SPATA17: variants seen among roughly 807,000 people sequenced by gnomAD.
SPATA17 encodes spermatogenesis associated 17.
A neutral mutation model predicts 62.2 loss-of-function variants in SPATA17; 53 were observed. That is an observed-to-expected ratio of 0.85 (90% CI 0.68 to 1.07). SPATA17 has a LOEUF of 1.07. Ranked by LOEUF, SPATA17 falls within the 50% of genes least tolerant of loss-of-function variation. The probability of loss-of-function intolerance (pLI) is 0.00; values close to 1 mark genes in which losing one functional copy is unlikely to be tolerated. For missense variants in SPATA17, 466 were observed against 425.5 expected (o/e 1.10, Z -0.84); for synonymous variants, 146 against 146.8 (o/e 0.99, Z 0.04).
chr1:217,868,427 TACAGCTAACTTACCAG>T lies in SPATA17; in HGVS notation c.*1415_*1430del, dbSNP rs1383664601. The T allele has an allele frequency of 6.6e-6, 1 of 152,166 alleles. No individual in the cohort carries two copies. Among genetic ancestry groups the T allele is most frequent in the East Asian group, 1.9e-4 (1 of 5,186 alleles). 9.4% of individuals were successfully genotyped at this position (152,166 alleles called of 1,614,324 possible). ...TATTGTAAGTTAAAAATGCATTTAA[TACAGCTAACTTACCAG>T]ACAGCTTAGCTTAGCCTCACCTACC... On this transcript the variant is annotated 3_prime_UTR_variant, in exon 11 of 11. Transcript: ENST00000366933.
intron 7 of SPATA17, among the ~76,000 whole-genome samples, chr1:217,780,607 C>T (rs1454077074): frequency 6.6e-6 from 1 of 152,140 alleles, no homozygotes; most frequent in African/African-American, 2.4e-5. Context: ...AAGACCATTG[C>T]TCCATGTGAA....
At chr1:217,778,327 A>G (rs61825812) in intron 7 of SPATA17, among the ~76,000 whole-genome samples, 2 of 152,022 alleles carry the variant, frequency 1.3e-5, no homozygotes, top group Non-Finnish European at 2.9e-5. Context: ...TCGAGACCAG[A>G]CTGGCCAACA....
At chr1:217,757,540 C>T (rs1673077680) in intron 6 of SPATA17, among the ~76,000 whole-genome samples, 1 of 152,084 alleles carries the variant, frequency 6.6e-6, no homozygotes, top group Non-Finnish European at 1.5e-5. Context: ...AACTGCAAAC[C>T]CACTCCTTCT....
intron 9 of SPATA17, among the ~76,000 whole-genome samples, chr1:217,809,960 C>T (rs776050638): frequency 6.6e-6 from 1 of 152,112 alleles, no homozygotes; most frequent in Non-Finnish European, 1.5e-5. Context: ...TTGACATAAA[C>T]ATTTGTTGTT....
At chr1:217,812,446 A>G (rs1674613616) in intron 9 of SPATA17, among the ~76,000 whole-genome samples, 1 of 152,154 alleles carries the variant, frequency 6.6e-6, no homozygotes, top group Non-Finnish European at 1.5e-5. Flanking sequence ...CATATATATA[A>G]TTTTTGAAAG....
At chr1:217,644,591 A>G (rs1390700532) in intron 1 of SPATA17, among the ~76,000 whole-genome samples, 2 of 152,126 alleles carry the variant, frequency 1.3e-5, no homozygotes, top group Non-Finnish European at 2.9e-5. Context: ...GATGTGTAAA[A>G]TGCATATTTT....
chr1:217,863,241 G>A (rs1675935535), intron 10 of SPATA17, among the ~76,000 whole-genome samples: 1 of 149,574 alleles, frequency 6.7e-6, no homozygotes, highest in Non-Finnish European at 1.5e-5. Context: ...TCCTGCCTCA[G>A]CCTCCAGAGT....
At chr1:217,860,088 A>G (rs931983949) in intron 9 of SPATA17, among the ~76,000 whole-genome samples, 1 of 151,972 alleles carries the variant, frequency 6.6e-6, no homozygotes, top group Non-Finnish European at 1.5e-5. Flanking sequence ...CACAAATCTG[A>G]TGGGTTGTAT....
chr1:217,789,111 A>G (rs1000056563), intron 8 of SPATA17, among the ~76,000 whole-genome samples: 3 of 152,194 alleles, frequency 2.0e-5, no homozygotes, highest in African/African-American at 7.2e-5. Context: ...GCTGTATTTT[A>G]ACTTATATAG....
chr1:217,654,415 G>C (rs952710977), intron 3 of SPATA17, among the ~76,000 whole-genome samples: 1 of 151,980 alleles, frequency 6.6e-6, no homozygotes, highest in Non-Finnish European at 1.5e-5. Context: ...ATGAGCCACT[G>C]TGCCCAGGTG....
intron 9 of SPATA17, among the ~76,000 whole-genome samples, chr1:217,832,160 C>T (rs1675157259): frequency 6.6e-6 from 1 of 151,928 alleles, no homozygotes; most frequent in African/African-American, 2.4e-5. Context: ...TCTGAAAAAT[C>T]CTTATCTACT....
chr1:217,792,153 T>C (rs1241884068), intron 8 of SPATA17, among the ~76,000 whole-genome samples: 1 of 152,088 alleles, frequency 6.6e-6, no homozygotes, highest in Non-Finnish European at 1.5e-5. Context: ...CCACGGCGCA[T>C]GGGTTAGACA....
In SPATA17 at chr1:217,726,201, G is replaced by T. The variant is rs553173878; in HGVS notation, c.396-15774G>T. On this transcript the variant is annotated intron_variant, in intron 5 of 10. Coordinates refer to ENST00000366933, the MANE Select transcript of SPATA17 (RefSeq NM_138796.4). ...TGGAGAAATGGGCAGCTGTGCTTTT[G>T]TCACTATCCTCCCAAGTCCTGTTTG... 6.5e-4 allele frequency among the ~76,000 whole-genome samples: 99 copies of T among 152,304 alleles called. 5 individuals are homozygous for T. The South Asian group carries it at 0.02, about 31-fold the overall frequency.
chr1:217,742,213 T>C, intron 6 of SPATA17, 115 bp downstream of exon 6: 1 of 1,328,430 alleles, frequency 7.5e-7, no homozygotes, highest in Non-Finnish European at 1.0e-6. Flanking sequence ...ACAAAGACAC[T>C]ACTTCGAGTT....
At chr1:217,660,238 A>G (rs1030207054) in intron 3 of SPATA17, among the ~76,000 whole-genome samples, 1 of 152,216 alleles carries the variant, frequency 6.6e-6, no homozygotes, top group Non-Finnish European at 1.5e-5. Flanking sequence ...GAATACTGAA[A>G]ACATTAATTT....
At chr1:217,647,385 T>C (rs1284311652) in intron 1 of SPATA17, among the ~76,000 whole-genome samples, 1 of 152,190 alleles carries the variant, frequency 6.6e-6, no homozygotes, top group Non-Finnish European at 1.5e-5. Context: ...AACAGGCATG[T>C]TTCTCCCTCA....
intron 9 of SPATA17, among the ~76,000 whole-genome samples, chr1:217,808,770 G>A (rs965772271): frequency 2.0e-5 from 3 of 151,602 alleles, no homozygotes; most frequent in South Asian, 4.2e-4. Flanking sequence ...CAGGAGAATC[G>A]CTTGAACCTG....
At chr1:217,765,457 G>C (rs1673277102) in intron 6 of SPATA17, among the ~76,000 whole-genome samples, 1 of 151,532 alleles carries the variant, frequency 6.6e-6, no homozygotes, top group South Asian at 2.1e-4. Flanking sequence ...ATGTTGATAA[G>C]CTATATTTTA....
chr1:217,667,988 G>A (rs184086003), intron 3 of SPATA17, among the ~76,000 whole-genome samples: 2 of 152,280 alleles, frequency 1.3e-5, no homozygotes, highest in African/African-American at 4.8e-5. Flanking sequence ...GATCAGACCA[G>A]GCAATTCAAA....
Sources: allele counts gnomAD v4.1 joint callset (sites outside exome capture counted in the v4.1 genomes callset), GRCh38; gene constraint gnomAD v4.1.1; transcripts MANE v1.5; gene names NCBI Gene and HGNC (gene_info 2026-07-23, HGNC 2026-07-21).